MLLT3: variants seen among roughly 807,000 people sequenced by gnomAD.
MLLT3 encodes the protein MLLT3 super elongation complex subunit, also known as protein AF-9.
In MLLT3, 4 loss-of-function variants were observed where a neutral mutation model predicts 53.2. The ratio of observed to expected loss-of-function variants is 0.08; its 90% confidence interval spans 0.04 to 0.17. The LOEUF is 0.17. MLLT3 is among the 10% of genes least tolerant of loss of function. The probability of loss-of-function intolerance (pLI) is 1.00; values close to 1 mark genes in which losing one functional copy is unlikely to be tolerated. For missense variants in MLLT3, 569 were observed against 684.0 expected, an observed-to-expected ratio of 0.83 and a Z score of 1.87; for synonymous variants, 283 against 230.6, an observed-to-expected ratio of 1.23 and a Z score of -2.06.
rs141761961 is a variant in MLLT3, at chr9:20,502,789, A to C, written c.194-46003T>G. Reference sequence around the variant, plus strand: ...CAGATACTGAGGAATGACTGTAGACAAACAACCCTAACATCTCCATCAAAA... The same window carrying C: ...CAGATACTGAGGAATGACTGTAGACCAACAACCCTAACATCTCCATCAAAA... On this transcript the variant is annotated intron_variant, in intron 2 of 10. Coordinates refer to ENST00000380338, the MANE Select transcript of MLLT3 (RefSeq NM_004529.4). 1.3e-4 allele frequency among the ~76,000 whole-genome samples: 20 copies of C among 152,342 alleles called. No homozygotes were observed. The East Asian group carries it at 3.9e-3, about 29-fold the overall frequency.
intron 2 of MLLT3, among the ~76,000 whole-genome samples, chr9:20,565,719 G>A (rs183468655): frequency 2.9e-4 from 43 of 150,238 alleles, no homozygotes; most frequent in African/African-American, 1.0e-3. Context: ...AAATATGATT[G>A]CATTTTACCT....
At chr9:20,383,100 A>G (rs1821943891) in intron 5 of MLLT3, among the ~76,000 whole-genome samples, 1 of 151,806 alleles carries the variant, frequency 6.6e-6, no homozygotes, top group Admixed American at 6.6e-5. Flanking sequence ...AGTGAGAAAC[A>G]AGAGAAAACA....
chr9:20,485,285 G>A (rs536188994), intron 2 of MLLT3, among the ~76,000 whole-genome samples: 7 of 152,212 alleles, frequency 4.6e-5, no homozygotes, highest in African/African-American at 1.2e-4. Flanking sequence ...CACCATGCCC[G>A]GCCAATTATA....
intron 2 of MLLT3, among the ~76,000 whole-genome samples, chr9:20,520,037 G>A (rs908641380): frequency 1.3e-5 from 2 of 152,180 alleles, no homozygotes; most frequent in African/African-American, 2.4e-5. Flanking sequence ...ATGAGATCAT[G>A]TCCTTTGCAG....
chr9:20,614,870 C>G (rs1459336963), intron 2 of MLLT3, among the ~76,000 whole-genome samples: 1 of 137,636 alleles, frequency 7.3e-6, no homozygotes, highest in East Asian at 2.0e-4. Context: ...CCATGGAAGA[C>G]CCATGAGAAA....
chr9:20,471,662 G>A (rs12000855), intron 2 of MLLT3, among the ~76,000 whole-genome samples: 2,346 of 152,094 alleles, frequency 0.015, 65 homozygotes, highest in African/African-American at 0.053. Flanking sequence ...ATTTGTAAAT[G>A]CTAAATGCCT....
intron 3 of MLLT3, among the ~76,000 whole-genome samples, chr9:20,454,802 C>T (rs1475957146): frequency 1.3e-5 from 2 of 152,090 alleles, no homozygotes; most frequent in Non-Finnish European, 2.9e-5. Context: ...GCTCTAAATT[C>T]CTTCCCACAA....
At chr9:20,387,733 A>AG (rs1277648361) in intron 5 of MLLT3, among the ~76,000 whole-genome samples, 2 of 152,234 alleles carry the variant, frequency 1.3e-5, no homozygotes, top group Non-Finnish European at 2.9e-5. Flanking sequence ...TCTCTACCAG[A>AG]TAGTTCCTTT....
chr9:20,355,095 T>TAAAAAAA (rs531598773), intron 8 of MLLT3, among the ~76,000 whole-genome samples: 43 of 64,044 alleles, frequency 6.7e-4, no homozygotes, highest in African/African-American at 1.4e-3. Context: ...AAAGTAGAAC[T>TAAAAAAA]AAAAAAAAAA....
chr9:20,577,765 G>T (rs1819690514), intron 2 of MLLT3, among the ~76,000 whole-genome samples: 1 of 152,200 alleles, frequency 6.6e-6, no homozygotes, highest in Non-Finnish European at 1.5e-5. Flanking sequence ...CTTCAAGGGA[G>T]AAGAGTGAAC....
At chr9:20,346,682 G>T in intron 10 of MLLT3, 108 bp from the exon 11 acceptor site, 1 of 1,062,724 alleles carries the variant, frequency 9.4e-7, no homozygotes, top group Non-Finnish European at 1.4e-6. Context: ...ATAAATATTC[G>T]TATTTATAGC....
At chr9:20,436,520 T>C (rs1586947969) in intron 4 of MLLT3, among the ~76,000 whole-genome samples, 1 of 152,212 alleles carries the variant, frequency 6.6e-6, no homozygotes, top group Admixed American at 6.5e-5. Context: ...TCATGCAAGA[T>C]TGCTCCATTG....
At chr9:20,535,379 ACT>A (rs1232385152) in intron 2 of MLLT3, among the ~76,000 whole-genome samples, 1 of 152,092 alleles carries the variant, frequency 6.6e-6, no homozygotes, top group Non-Finnish European at 1.5e-5. Flanking sequence ...GTTGGGGACC[ACT>A]GTTTTTCCAT....
At chr9:20,507,779 A>G (rs1825422501) in intron 2 of MLLT3, among the ~76,000 whole-genome samples, 1 of 151,938 alleles carries the variant, frequency 6.6e-6, no homozygotes, top group South Asian at 2.1e-4. Flanking sequence ...AGCCCAGAAA[A>G]ATAGATAAAT....
intron 10 of MLLT3, 46 bp from the exon 11 acceptor site, chr9:20,346,620 T>C: frequency 6.3e-7 from 1 of 1,591,094 alleles, no homozygotes; most frequent in Non-Finnish European, 8.6e-7. Context: ...GCAGCAAACA[T>C]CAAAAGGCAA....
At chr9:20,524,455 A>C (rs1404892684) in intron 2 of MLLT3, among the ~76,000 whole-genome samples, 3 of 152,058 alleles carry the variant, frequency 2.0e-5, no homozygotes, top group Non-Finnish European at 4.4e-5. Context: ...AATGTACTGT[A>C]ATCAAAATCA....
chr9:20,537,824 T>G lies in MLLT3; in HGVS notation c.194-81038A>C, dbSNP rs779123017. 7.9e-5 allele frequency among the ~76,000 whole-genome samples: 12 copies of G among 152,354 alleles called. No homozygotes were observed. The South Asian group carries it at 8.3e-4, about 11-fold the overall frequency. On this transcript the variant is annotated intron_variant, in intron 2 of 10. Coordinates refer to ENST00000380338, the MANE Select transcript of MLLT3 (RefSeq NM_004529.4). ...AATGTATTTGACAGACATGGCATAT[T>G]ATAAGCACTCCAACATCAAAGTATC...
chr9:20,571,530 T>A (rs1446788970), intron 2 of MLLT3, among the ~76,000 whole-genome samples: 7 of 152,164 alleles, frequency 4.6e-5, no homozygotes, highest in Non-Finnish European at 1.0e-4. Context: ...CATGGTGGTT[T>A]GCTGCACCCA....
intron 2 of MLLT3, among the ~76,000 whole-genome samples, chr9:20,526,543 C>A (rs1224107532): frequency 6.6e-6 from 1 of 152,158 alleles, no homozygotes; most frequent in African/African-American, 2.4e-5. Flanking sequence ...GCAGTTAGTT[C>A]ATATTCACTA....
Sources: allele counts gnomAD v4.1 joint callset (sites outside exome capture counted in the v4.1 genomes callset), GRCh38; gene constraint gnomAD v4.1.1; transcripts MANE v1.5; gene names NCBI Gene and HGNC (gene_info 2026-07-23, HGNC 2026-07-21).